Variants in RTKN2 observed in about 807,000 individuals in gnomAD.
RTKN2 encodes rhotekin-2.
Under a neutral mutation model 71.5 loss-of-function variants are expected in RTKN2, and 69 were observed. That is an observed-to-expected ratio of 0.96 (90% CI 0.79 to 1.18). RTKN2 has a LOEUF of 1.18. Ranked by LOEUF, RTKN2 falls within the 50% of genes most tolerant of loss-of-function variation. The probability of loss-of-function intolerance (pLI) is 0.00; values close to 1 mark genes in which losing one functional copy is unlikely to be tolerated. For synonymous variants in RTKN2, 236 were observed against 236.5 expected (o/e 1.00, Z 0.02); for missense variants, 724 against 719.7 (o/e 1.01, Z -0.07).
chr10:62,213,359 T>A (rs1841701036), intron 9 of RTKN2, among the ~76,000 whole-genome samples: 1 of 152,184 alleles, frequency 6.6e-6, no homozygotes, highest in South Asian at 2.1e-4. Context: ...GGAGGCTCTA[T>A]AACGTACTTG....
chr10:62,189,814 G>GAT (rs1361046183), downstream of RTKN2, among the ~76,000 whole-genome samples: 1 of 150,188 alleles, frequency 6.7e-6, no homozygotes, highest in Non-Finnish European at 1.5e-5. Context: ...GGGCAACAGA[G>GAT]ATTTTTTTTT....
At chr10:62,251,208 A>G (rs528471625) in intron 2 of RTKN2, among the ~76,000 whole-genome samples, 97 of 152,326 alleles carry the variant, frequency 6.4e-4, no homozygotes, top group Non-Finnish European at 1.1e-3. Flanking sequence ...ACCTCACATC[A>G]TCACAAAAAG....
chr10:62,184,061 A>C (rs1268422098), exon 9 of RTKN2: 4 of 377,738 alleles, frequency 1.1e-5, no homozygotes, highest in Non-Finnish European at 1.9e-5. Context: ...GTACTAATGA[A>C]CAATGAAGTG....
intron 6 of RTKN2, among the ~76,000 whole-genome samples, chr10:62,235,086 A>G (rs773269593): frequency 3.3e-5 from 5 of 152,128 alleles, no homozygotes; most frequent in Non-Finnish European, 5.9e-5. Context: ...AAAATATGGA[A>G]AATTCTACAA....
At chr10:62,224,776 A>C (rs544435627) in intron 6 of RTKN2, among the ~76,000 whole-genome samples, 2 of 152,182 alleles carry the variant, frequency 1.3e-5, no homozygotes, top group South Asian at 4.2e-4. Context: ...CAAAGAATGC[A>C]GGAAAACATT....
intron 6 of RTKN2, among the ~76,000 whole-genome samples, chr10:62,225,154 G>A (rs879590939): frequency 1.2e-4 from 18 of 152,182 alleles, no homozygotes; most frequent in Admixed American, 9.8e-4. Flanking sequence ...TCCCTAAGAT[G>A]TCTTCTTAAA....
chr10:62,255,278 C>T (rs1441920076), intron 2 of RTKN2, among the ~76,000 whole-genome samples: 10 of 152,104 alleles, frequency 6.6e-5, no homozygotes, highest in Admixed American at 6.6e-4. Flanking sequence ...AGCCTAGAAG[C>T]AGTGATACCC....
At chr10:62,215,350 T>C (rs1589346477) in intron 9 of RTKN2, among the ~76,000 whole-genome samples, 1 of 151,804 alleles carries the variant, frequency 6.6e-6, no homozygotes, top group Non-Finnish European at 1.5e-5. Context: ...GTCAATGTAA[T>C]GAAAGGCATA....
exon 9 of RTKN2, chr10:62,183,949 C>T (rs745660646): frequency 4.8e-5 from 8 of 168,326 alleles, no homozygotes; most frequent in Non-Finnish European, 7.6e-5. Flanking sequence ...TCAAGGTTCA[C>T]TCCATCAGTG....
intron 2 of RTKN2, among the ~76,000 whole-genome samples, chr10:62,251,999 AAAG>A (rs1842590862): frequency 6.6e-6 from 1 of 152,136 alleles, no homozygotes; most frequent in South Asian, 2.1e-4. Flanking sequence ...GAGGACAGGC[AAAG>A]AAGAGCCAAC....
intron 2 of RTKN2, among the ~76,000 whole-genome samples, chr10:62,256,314 T>C (rs978579784): frequency 6.6e-6 from 1 of 152,142 alleles, no homozygotes; most frequent in Non-Finnish European, 1.5e-5. Flanking sequence ...TGAGCCACCA[T>C]TCCTTGCCGA....
intron 7 of RTKN2, among the ~76,000 whole-genome samples, chr10:62,221,870 TG>T (rs760955670): frequency 4.1e-4 from 63 of 152,272 alleles, no homozygotes; most frequent in South Asian, 2.1e-3. Context: ...CTACAGAGGC[TG>T]CAGAAATTCA....
chr10:62,266,612 C>T (rs1589391984), intron 1 of RTKN2, among the ~76,000 whole-genome samples: 2 of 152,280 alleles, frequency 1.3e-5, no homozygotes, highest in East Asian at 3.9e-4. Flanking sequence ...GATAGTATTA[C>T]TTTTTGAATT....
intron 10 of RTKN2, among the ~76,000 whole-genome samples, chr10:62,200,104 C>G (rs940422047): frequency 6.6e-6 from 1 of 152,036 alleles, no homozygotes; most frequent in African/African-American, 2.4e-5. Flanking sequence ...TGGCTCATGC[C>G]TGTAATCCCA....
intron 9 of RTKN2, chr10:62,215,192 C>T: frequency 3.2e-6 from 2 of 620,062 alleles, no homozygotes; most frequent in Admixed American, 3.6e-5. Flanking sequence ...ATTTTTACTC[C>T]TCAGCTATTT....
At chr10:62,229,173 G>A (rs916558568) in intron 6 of RTKN2, among the ~76,000 whole-genome samples, 3 of 152,208 alleles carry the variant, frequency 2.0e-5, no homozygotes, top group Non-Finnish European at 2.9e-5. Context: ...GACAAAAGAA[G>A]AGAGATGCTA....
At chr10:62,237,140 CTA>C (rs1379035099) in intron 5 of RTKN2, among the ~76,000 whole-genome samples, 1 of 151,756 alleles carries the variant, frequency 6.6e-6, no homozygotes, top group African/African-American at 2.4e-5. Flanking sequence ...CAAAAAGTAA[CTA>C]TGTGAGATGA....
chr10:62,184,014 T>C, exon 9 of RTKN2: 1 of 238,122 alleles, frequency 4.2e-6, no homozygotes, highest in African/African-American at 2.2e-5. Flanking sequence ...GTAGTTATAA[T>C]ATTTCTCTTC....
chr10:62,194,065 C>A lies in RTKN2; in HGVS notation c.*3843G>T. The A allele has an allele frequency of 2.0e-6, 2 of 976,504 alleles. No individual in the cohort carries two copies. The highest frequency in any genetic ancestry group is 5.3e-4 in the Middle Eastern group (1 of 1,890). The allele number at this position is 976,504 out of a possible 1,614,324, so 60.5% of individuals were successfully genotyped here. On this transcript the variant is annotated 3_prime_UTR_variant, in exon 12 of 12. Coordinates refer to ENST00000373789, the MANE Select transcript of RTKN2 (RefSeq NM_145307.4). ...ATGACTTGGGCTCGCTTACCAAATA[C>A]CTTTGGTACTTTAAAAAATGTATGT...
Sources: gnomAD v4.1 joint callset for allele counts (sites outside exome capture counted in the v4.1 genomes callset) on GRCh38, gnomAD v4.1.1 for gene constraint, MANE v1.5 for transcripts, NCBI Gene and HGNC (gene_info 2026-07-23, HGNC 2026-07-21) for gene names.